The following SPINK13 variants were observed in gnomAD, a reference collection of about 807,000 sequenced individuals.
SPINK13 encodes the protein serine protease inhibitor Kazal-type 13.
A neutral mutation model predicts 11.0 loss-of-function variants in SPINK13; 11 were observed. That is an observed-to-expected ratio of 1.00 (90% CI 0.63 to 1.65). The LOEUF is 1.65. SPINK13 is among the 40% of genes most tolerant of loss of function. The probability of loss-of-function intolerance (pLI) is 0.00; values close to 1 mark genes in which losing one functional copy is unlikely to be tolerated. For missense variants in SPINK13, 113 were observed against 117.7 expected (o/e 0.96, Z 0.19); for synonymous variants, 31 against 35.6 (o/e 0.87, Z 0.46).
At chr5:148,280,627 A>C (rs1464293464) in intron 3 of SPINK13, among the ~76,000 whole-genome samples, 1 of 152,134 alleles carries the variant, frequency 6.6e-6, no homozygotes, top group Admixed American at 6.5e-5. Context: ...AGAACAGCAA[A>C]GATTGCTGCC....
chr5:148,271,324 A>G (rs943091746), intron 2 of SPINK13, among the ~76,000 whole-genome samples: 1 of 152,214 alleles, frequency 6.6e-6, no homozygotes, highest in African/African-American at 2.4e-5. Context: ...ATTGGGTTCA[A>G]TCAAAAAGCA....
At chr5:148,273,821 G>A (rs2113365016) in intron 2 of SPINK13, among the ~76,000 whole-genome samples, 1 of 152,274 alleles carries the variant, frequency 6.6e-6, no homozygotes. Flanking sequence ...CAGGCAGCTA[G>A]TCACCCTCTG....
At chr5:148,280,657 T>A (rs1756498868) in intron 3 of SPINK13, among the ~76,000 whole-genome samples, 1 of 152,160 alleles carries the variant, frequency 6.6e-6, no homozygotes, top group South Asian at 2.1e-4. Context: ...CTCTGGAAAC[T>A]TTGTCCCAGA....
chr5:148,278,471 CT>C (rs1240574526), intron 3 of SPINK13, among the ~76,000 whole-genome samples: 1 of 152,170 alleles, frequency 6.6e-6, no homozygotes, highest in African/African-American at 2.4e-5. Flanking sequence ...TATGTTGTGT[CT>C]TTGTTCTCAT....
chr5:148,272,534 G>T (rs547813576), intron 2 of SPINK13, among the ~76,000 whole-genome samples: 2 of 152,036 alleles, frequency 1.3e-5, no homozygotes, highest in Non-Finnish European at 2.9e-5. Context: ...CTTGTCCATA[G>T]AAGTGTATAT....
At chr5:148,275,826 A>G (rs900849009) in intron 3 of SPINK13, among the ~76,000 whole-genome samples, 2 of 151,736 alleles carry the variant, frequency 1.3e-5, no homozygotes, top group Non-Finnish European at 2.9e-5. Context: ...AAGCCTGGCT[A>G]ATTTTTTGTA....
At chr5:148,281,912 A>G (rs1756521801) in intron 3 of SPINK13, among the ~76,000 whole-genome samples, 192 bp from the exon 4 acceptor site, 1 of 152,210 alleles carries the variant, frequency 6.6e-6, no homozygotes, top group African/African-American at 2.4e-5. Context: ...TGAAGAGATG[A>G]TAGGATGGGT....
chr5:148,269,572 G>C (rs1756316193), intron 1 of SPINK13, among the ~76,000 whole-genome samples: 1 of 152,120 alleles, frequency 6.6e-6, no homozygotes. Flanking sequence ...CCATCTCAGG[G>C]AATCACATGT....
intron 2 of SPINK13, among the ~76,000 whole-genome samples, chr5:148,274,114 C>G (rs1461380729): frequency 6.6e-6 from 1 of 152,112 alleles, no homozygotes; most frequent in African/African-American, 2.4e-5. Flanking sequence ...AGTTTTTACT[C>G]TTTCCTCACT....
chr5:148,285,015 A>G (rs1223050385), intron 4 of SPINK13, among the ~76,000 whole-genome samples: 1 of 152,172 alleles, frequency 6.6e-6, no homozygotes, highest in African/African-American at 2.4e-5. Flanking sequence ...GTTGGACAAA[A>G]ATGATGTTTT....
At chr5:148,271,275 A>G (rs1756346140) in intron 2 of SPINK13, among the ~76,000 whole-genome samples, 3 of 152,218 alleles carry the variant, frequency 2.0e-5, no homozygotes, top group Admixed American at 1.3e-4. Flanking sequence ...TCAGTTGGAT[A>G]GAATTGGATT....
At chr5:148,272,699 C>T (rs996974060) in intron 2 of SPINK13, among the ~76,000 whole-genome samples, 1 of 152,064 alleles carries the variant, frequency 6.6e-6, no homozygotes, top group Admixed American at 6.6e-5. Context: ...AAGTACAGAA[C>T]CTTCAGGTCT....
intron 3 of SPINK13, among the ~76,000 whole-genome samples, chr5:148,276,430 G>C (rs2113368028): frequency 6.6e-6 from 1 of 152,254 alleles, no homozygotes; most frequent in Admixed American, 6.5e-5. Context: ...TATGGTTTTA[G>C]GTCTTGCATT....
At chr5:148,280,278 A>T (rs2113372580) in intron 3 of SPINK13, among the ~76,000 whole-genome samples, 1 of 152,172 alleles carries the variant, frequency 6.6e-6, no homozygotes, top group South Asian at 2.1e-4. Context: ...TCTGAAGCCT[A>T]CTTCTGTCAA....
At chr5:148,279,591 A>G (rs2113371767) in intron 3 of SPINK13, among the ~76,000 whole-genome samples, 1 of 152,284 alleles carries the variant, frequency 6.6e-6, no homozygotes, top group East Asian at 1.9e-4. Context: ...TTTCTTTAAG[A>G]ATGTTGAACA....
At position 148,270,037 on chromosome 5, in the gene SPINK13, C is replaced by A; in HGVS notation, c.-33-3C>A. 1 of 1,605,034 alleles carries A rather than the reference C, an allele frequency of 6.2e-7. No homozygotes were observed. Among genetic ancestry groups the A allele is most frequent in the South Asian group, 1.1e-5 (1 of 90,544 alleles). Reference sequence around the variant, plus strand: ...CTAAAAACAATCTTGGGCATGTTCACAGGCCTTATCAAAGAAGAGTCTTAT... The same window carrying A: ...CTAAAAACAATCTTGGGCATGTTCAAAGGCCTTATCAAAGAAGAGTCTTAT... On this transcript the variant is annotated splice_region_variant and splice_polypyrimidine_tract_variant and intron_variant, in intron 1 of 4. Transcript: ENST00000398450.
At chr5:148,273,293 T>TAAA (rs143646300) in intron 2 of SPINK13, among the ~76,000 whole-genome samples, 1 of 150,912 alleles carries the variant, frequency 6.6e-6, no homozygotes, top group African/African-American at 2.4e-5. Context: ...CATTTTTAAG[T>TAAA]AAAAAAAAAT....
intron 2 of SPINK13, among the ~76,000 whole-genome samples, chr5:148,272,405 A>G (rs1756364347): frequency 6.6e-6 from 1 of 152,218 alleles, no homozygotes. Flanking sequence ...TGATGGTGCA[A>G]TATATAAATT....
intron 1 of SPINK13, among the ~76,000 whole-genome samples, chr5:148,269,809 C>T (rs962189099): frequency 1.3e-5 from 2 of 151,892 alleles, no homozygotes; most frequent in Non-Finnish European, 2.9e-5. Flanking sequence ...CAGGCCAGAA[C>T]TGTGATTGTC....
Sources: gnomAD v4.1 joint callset for allele counts (sites outside exome capture counted in the v4.1 genomes callset) on GRCh38, gnomAD v4.1.1 for gene constraint, MANE v1.5 for transcripts, NCBI Gene and HGNC (gene_info 2026-07-23, HGNC 2026-07-21) for gene names.